PRDM1: variants seen among roughly 807,000 people sequenced by gnomAD.
PRDM1 encodes PR domain zinc finger protein 1.
In PRDM1, 13 loss-of-function variants were observed where a neutral mutation model predicts 62.8. The ratio of observed to expected loss-of-function variants is 0.21; its 90% CI spans 0.13 to 0.33. The LOEUF (loss-of-function observed/expected upper bound fraction) is 0.33, where lower values mean the gene tolerates loss of function less well. Among genes scored for constraint, PRDM1 ranks in the 10% least tolerant of loss-of-function variants. The probability of loss-of-function intolerance (pLI) is 1.00; values close to 1 mark genes in which losing one functional copy is unlikely to be tolerated. For missense variants in PRDM1, 895 were observed against 1,058.8 expected, an observed-to-expected ratio of 0.85 and a Z score of 2.15; for synonymous variants, 396 against 417.6, an observed-to-expected ratio of 0.95 and a Z score of 0.63.
chr6:106,003,632 A>G (rs758841638), intron 1 of PRDM1, among the ~76,000 whole-genome samples: 10 of 152,222 alleles, frequency 6.6e-5, no homozygotes, highest in Non-Finnish European at 1.2e-4. Flanking sequence ...TTTTCAGACC[A>G]TTCTCTAGGC....
chr6:106,098,119 GA>G lies in PRDM1; in HGVS notation c.412-1177del, dbSNP rs1196519596. On this transcript the variant is annotated intron_variant, in intron 3 of 6. Transcript: ENST00000369096. The stretch of plus-strand genomic sequence containing the variant: ...CTAGCATAGTCGGTACGTGAGTAAG[GA>G]AAAGCAATAACCTGCTGTCCGGTGA... The G allele has an allele frequency of 8.7e-6, 7 of 809,186 alleles. No individual in the cohort carries two copies. The African/African-American group carries it at 1.1e-4, about 13-fold the overall frequency. 50.1% of individuals were successfully genotyped at this position (809,186 alleles called of 1,614,324 possible).
intron 1 of PRDM1, among the ~76,000 whole-genome samples, chr6:106,038,014 CTTTTTTTT>C (rs1227783243): frequency 2.1e-5 from 1 of 47,800 alleles, no homozygotes; most frequent in Admixed American, 3.5e-4. Context: ...CTATTTTTGT[CTTTTTTTT>C]TTTTTTTTTT....
chr6:106,044,962 A>G (rs1773050780), upstream of PRDM1, among the ~76,000 whole-genome samples: 1 of 152,234 alleles, frequency 6.6e-6, no homozygotes, highest in Non-Finnish European at 1.5e-5. Flanking sequence ...ACCCTTAAAG[A>G]TAAGATGACT....
intron 1 of PRDM1, among the ~76,000 whole-genome samples, chr6:106,076,687 A>G (rs1773610578): frequency 1.3e-5 from 2 of 152,232 alleles, no homozygotes; most frequent in South Asian, 2.1e-4. Context: ...ACTGTTTCCT[A>G]CACACAAACA....
chr6:106,017,072 G>T (rs62420708), intron 1 of PRDM1, among the ~76,000 whole-genome samples: 7,232 of 152,244 alleles, frequency 0.048, 307 homozygotes, highest in African/African-American at 0.11. Flanking sequence ...AATGCATTAT[G>T]AATGCATAAA....
At chr6:106,061,677 G>A (rs1773347710) in intron 1 of PRDM1, among the ~76,000 whole-genome samples, 1 of 152,198 alleles carries the variant, frequency 6.6e-6, no homozygotes, top group Non-Finnish European at 1.5e-5. Flanking sequence ...TGAGTTGAAT[G>A]TCTTAATACG....
At chr6:106,005,631 T>C (rs1479130015) in intron 1 of PRDM1, among the ~76,000 whole-genome samples, 1 of 152,190 alleles carries the variant, frequency 6.6e-6, no homozygotes, top group African/African-American at 2.4e-5. Flanking sequence ...TTTTCACACA[T>C]TGCGCTAGAA....
At chr6:106,037,202 T>G (rs1223872778) in intron 1 of PRDM1, among the ~76,000 whole-genome samples, 1 of 152,194 alleles carries the variant, frequency 6.6e-6, no homozygotes, top group Non-Finnish European at 1.5e-5. Flanking sequence ...TCTTTGCTCC[T>G]AGTACATTGA....
rs1292205687 is a variant in PRDM1 at position 106,105,514 on chromosome 6, G to T, written c.1354G>T (p.Gly452Cys). 6 of 1,613,750 alleles carry T rather than the reference G, an allele frequency of 3.7e-6. No individual in the cohort carries two copies. The highest frequency in any genetic ancestry group is 4.2e-6 in the Non-Finnish European group (5 of 1,179,976). ...GTGCCCTGTCTACAGCAATCTCCTC[G>T]GTGGGGGCAGCCTGCCCCACCCCAT... ...RLCPVYSNLL[G>C]GGSLPHPMLN... The change falls in exon 5 of 7, where the codon GGT (glycine) becomes TGT (cysteine). Residue 452 changes from glycine to cysteine, a missense_variant. Physicochemically the swap from Gly to Cys is radical, Grantham distance 159 (BLOSUM62 -3). Transcript: ENST00000369096.
rs2114651655 is a variant in PRDM1 at position 106,105,041 on chromosome 6, A to G, written c.881A>G (p.Tyr294Cys). Residue 294 changes from tyrosine (Y) to cysteine (C), a missense_variant, in exon 5 of 7, where the codon TAC (tyrosine) becomes TGC (cysteine). Transcript: ENST00000369096. Reference sequence around the variant, plus strand: ...CGTGGGAGCCCCGAAATGCCCTTCTACCCTCGGGTCGTTTACCCCATCCGG... The same window carrying G: ...CGTGGGAGCCCCGAAATGCCCTTCTGCCCTCGGGTCGTTTACCCCATCCGG... Reference protein sequence around the residue: ...RRRGSPEMPFYPRVVYPIRAP... With the variant: ...RRRGSPEMPFCPRVVYPIRAP... 1.2e-6 allele frequency: 2 copies of G among 1,614,044 alleles called. No individual in the cohort carries two copies. Among genetic ancestry groups the G allele is most frequent in the Non-Finnish European group, 1.7e-6 (2 of 1,180,004 alleles).
chr6:106,033,438 G>A (rs1417780640), intron 1 of PRDM1, among the ~76,000 whole-genome samples: 1 of 151,702 alleles, frequency 6.6e-6, no homozygotes, highest in Non-Finnish European at 1.5e-5. Flanking sequence ...ATAGGCATGA[G>A]CCACTACGCC....
At chr6:106,008,241 C>T (rs375520822) in intron 1 of PRDM1, among the ~76,000 whole-genome samples, 4 of 152,094 alleles carry the variant, frequency 2.6e-5, no homozygotes, top group South Asian at 2.1e-4. Context: ...GGCGTGGTGG[C>T]GCGCGCCTGT....
chr6:106,095,381 C>G (rs1283461852), intron 2 of PRDM1, among the ~76,000 whole-genome samples: 2 of 152,152 alleles, frequency 1.3e-5, no homozygotes, highest in African/African-American at 4.8e-5. Context: ...CAATAATCCC[C>G]TAGACTGTTT....
At position 106,095,749 on chromosome 6, in the gene PRDM1, TTTC is replaced by T. The variant is rs1489685857; in HGVS notation, c.411+19_411+21del. Reference sequence around the variant, plus strand: ...ATTTTTGGAGGGTAAGTAAGGGAAATTTCTTCAGACCCATTAAATGTTAGGAAA... The same window carrying T: ...ATTTTTGGAGGGTAAGTAAGGGAAATTTCAGACCCATTAAATGTTAGGAAA... On this transcript the variant is annotated intron_variant, in intron 3 of 6. Transcript: ENST00000369096. 5 of 1,612,896 alleles carry T rather than the reference TTTC, an allele frequency of 3.1e-6. No individual in the cohort carries two copies. The highest frequency in any genetic ancestry group is 2.7e-5 in the African/African-American group (2 of 74,870).
At chr6:106,086,226 G>A, upstream of PRDM1, 1 of 371,680 alleles carries the variant, frequency 2.7e-6, no homozygotes, top group Non-Finnish European at 4.8e-6. Flanking sequence ...AGCAATCTGG[G>A]GGAAAGCCCT....
At chr6:106,082,038 A>G (rs1446998010), upstream of PRDM1, among the ~76,000 whole-genome samples, 1 of 152,188 alleles carries the variant, frequency 6.6e-6, no homozygotes, top group Non-Finnish European at 1.5e-5. Flanking sequence ...GAGAGAAGCA[A>G]ACATTTGACC....
chr6:106,051,083 T>G (rs1277134135), intron 1 of PRDM1, among the ~76,000 whole-genome samples: 1 of 152,240 alleles, frequency 6.6e-6, no homozygotes, highest in African/African-American at 2.4e-5. Context: ...AGGTTTCACC[T>G]GTTATAATAT....
At chr6:106,001,217 A>G (rs1772420745) in intron 1 of PRDM1, among the ~76,000 whole-genome samples, 1 of 151,902 alleles carries the variant, frequency 6.6e-6, no homozygotes, top group Non-Finnish European at 1.5e-5. Context: ...CTCATTTTTT[A>G]TTTGGGGAGA....
At chr6:106,103,397 A>G (rs562908287) in intron 4 of PRDM1, among the ~76,000 whole-genome samples, 7 of 152,138 alleles carry the variant, frequency 4.6e-5, no homozygotes, top group Non-Finnish European at 8.8e-5. Context: ...CATTTTTTAG[A>G]CGATGAAGGA....
Sources: gnomAD v4.1 joint callset for allele counts (sites outside exome capture counted in the v4.1 genomes callset) on GRCh38, gnomAD v4.1.1 for gene constraint, MANE v1.5 for transcripts, NCBI Gene and HGNC (gene_info 2026-07-23, HGNC 2026-07-21) for gene names.